ZNF19: variants seen among roughly 807,000 people sequenced by gnomAD.
The protein encoded by ZNF19 is zinc finger protein 19, also known as zinc finger protein 19 (KOX 12).
Under a neutral mutation model 13.1 loss-of-function variants are expected in ZNF19, and 11 were observed. The ratio of observed to expected loss-of-function variants is 0.84; its 90% confidence interval spans 0.53 to 1.39. The LOEUF (loss-of-function observed/expected upper bound fraction) is 1.39, where lower values mean the gene tolerates loss of function less well. ZNF19 is among the 40% of genes most tolerant of loss of function. ZNF19 has a pLI of 0.00. For synonymous variants in ZNF19, 186 were observed against 187.0 expected (o/e 0.99, Z 0.04); for missense variants, 560 against 547.0 (o/e 1.02, Z -0.24).
In ZNF19 at chr16:71,475,429, T is replaced by C; in HGVS notation, c.1118A>G (p.Lys373Arg). ...GKAFSAQEQL[K>R]RHLRIHTQES... ...CTGAGTATGAATTCTCAGATGCCTTTTTAATTGTTCCTGAGCACTGAAGGC... is the reference window on the plus strand; with the variant it reads ...CTGAGTATGAATTCTCAGATGCCTTCTTAATTGTTCCTGAGCACTGAAGGC... The change falls in exon 6 of 6, where the codon AAA becomes AGA. Residue 373 changes from lysine (K) to arginine (R), a missense_variant. Coordinates refer to ENST00000288177, the MANE Select transcript of ZNF19 (RefSeq NM_006961.4). 6.2e-7 allele frequency: 1 copy of C among 1,614,158 alleles called. No individual in the cohort carries two copies.
chr16:71,475,193 A>G lies in ZNF19; in HGVS notation c.1354T>C (p.Phe452Leu), dbSNP rs753561375. Reference protein sequence around the residue: ...LDICRFGLPEFFTPFYW With the variant: ...LDICRFGLPELFTPFYW ...TATTACCAGTAAAAGGGGGTAAAAAATTCTGGGAGGCCAAAACGACAAATG... is the reference window on the plus strand; with the variant it reads ...TATTACCAGTAAAAGGGGGTAAAAAGTTCTGGGAGGCCAAAACGACAAATG... The change falls in exon 6 of 6, where the codon TTT becomes CTT. Residue 452 changes from phenylalanine (F) to leucine (L), a missense_variant. Phe to Leu is a conservative substitution (Grantham distance 22). Transcript: ENST00000288177. The G allele has an allele frequency of 6.8e-6, 11 of 1,607,066 alleles. No homozygotes were observed. Among genetic ancestry groups the G allele is most frequent in the Non-Finnish European group, 8.5e-6 (10 of 1,176,330 alleles).
intron 1 of ZNF19, among the ~76,000 whole-genome samples, chr16:71,485,486 AAAAG>A (rs959019816): frequency 7.3e-5 from 11 of 151,632 alleles, no homozygotes; most frequent in African/African-American, 2.2e-4. Context: ...AAAAAAAACA[AAAAG>A]AAAGAAAGAC....
intron 2 of ZNF19, among the ~76,000 whole-genome samples, chr16:71,483,034 T>C (rs1483341834): frequency 2.6e-5 from 4 of 152,244 alleles, no homozygotes; most frequent in East Asian, 3.8e-4. Context: ...TTTCCAATAG[T>C]AATCCTAACA....
chr16:71,485,529 CTATT>C (rs777354510), intron 1 of ZNF19, among the ~76,000 whole-genome samples: 1 of 146,268 alleles, frequency 6.8e-6, no homozygotes, highest in African/African-American at 2.6e-5. Context: ...TATTAAGTAA[CTATT>C]TAGGAAGTGA....
rs2043590572 is a variant in ZNF19, at chr16:71,475,033, C to T, written c.*137G>A. 2 of 1,099,224 alleles carry T rather than the reference C, an allele frequency of 1.8e-6. No individual in the cohort carries two copies. Among genetic ancestry groups the T allele is most frequent in the Admixed American group, 5.8e-5 (2 of 34,192 alleles). The allele number at this position is 1,099,224 out of a possible 1,614,324, so 68.1% of individuals were successfully genotyped here. A position where few individuals can be genotyped will look rare whatever the true frequency, so the allele number is the denominator to read the frequency against. On this transcript the variant is annotated 3_prime_UTR_variant, in exon 6 of 6. Transcript: ENST00000288177. ...AATCCTGGGACTCTAATTGAACCAT[C>T]TTTGGTCATCTACTGACATCTGAAT...
rs1567569004 is a variant in ZNF19, at chr16:71,475,501, C to A, written c.1046G>T (p.Arg349Ile). ...AAAGGGTTTCTCCTCACTGTGAATTCTCTGGTGCCGAGTTAGTTTTGTATG... is the reference window on the plus strand; with the variant it reads ...AAAGGGTTTCTCCTCACTGTGAATTATCTGGTGCCGAGTTAGTTTTGTATG... ...NFHTKLTRHQ[R>I]IHSEEKPFDC... Residue 349 changes from arginine (R) to isoleucine (I), a missense_variant, in exon 6 of 6, where the codon AGA becomes ATA. Transcript: ENST00000288177. The A allele has an allele frequency of 6.2e-7, 1 of 1,614,222 alleles. No individual in the cohort carries two copies. Among genetic ancestry groups the A allele is most frequent in the Non-Finnish European group, 8.5e-7 (1 of 1,180,026 alleles).
At chr16:71,478,764 G>T in intron 4 of ZNF19, 115 bp downstream of exon 4, 1 of 1,409,628 alleles carries the variant, frequency 7.1e-7, no homozygotes, top group Non-Finnish European at 9.6e-7. Context: ...TCACTCAGTG[G>T]AGGACACAAG....
In ZNF19 at chr16:71,485,651, G is replaced by C. The variant is rs182563509; in HGVS notation, c.-189-903C>G. Among the ~76,000 whole-genome samples the C allele has an allele frequency of 1.5e-4, 23 of 151,894 alleles. No individual in the cohort carries two copies. The East Asian group carries it at 3.9e-3, about 26-fold the overall frequency. Reference sequence around the variant, plus strand: ...GATAGATGAAGGTGCCATTAGCTGAGATCAGGAATTGAAGAAGAGGAGCTG... The same window carrying C: ...GATAGATGAAGGTGCCATTAGCTGACATCAGGAATTGAAGAAGAGGAGCTG... On this transcript the variant is annotated intron_variant, in intron 1 of 5. Coordinates refer to ENST00000288177, the MANE Select transcript of ZNF19 (RefSeq NM_006961.4).
chr16:71,484,287 A>C (rs1042454786), intron 2 of ZNF19, among the ~76,000 whole-genome samples: 11 of 152,390 alleles, frequency 7.2e-5, no homozygotes, highest in Non-Finnish European at 1.3e-4. Context: ...ATAGCTGCTC[A>C]GTAAGCAGCT....
intron 2 of ZNF19, among the ~76,000 whole-genome samples, chr16:71,483,810 A>ATGT (rs2043654734): frequency 6.6e-6 from 1 of 152,254 alleles, no homozygotes; most frequent in African/African-American, 2.4e-5. Flanking sequence ...GAGAAGGGGC[A>ATGT]TGATCCTGTC....
chr16:71,475,385 C>T lies in ZNF19; in HGVS notation c.1162G>A (p.Asp388Asn), dbSNP rs767488128. The change falls in exon 6 of 6, where the codon GAT (aspartate) becomes AAT (asparagine). Residue 388 changes from aspartate to asparagine, a missense_variant. Transcript: ENST00000288177. ...IHTQESSYVC[D>N]ECGKALTSKR... ...CTAGTCAAGGCTTTTCCACACTCAT[C>T]ACATACATAGGAAGACTCCTGAGTA... 3 of 1,613,778 alleles carry T rather than the reference C, an allele frequency of 1.9e-6. No individual in the cohort carries two copies. In the East Asian group the frequency reaches 6.7e-5, roughly 36 times the overall value.
At chr16:71,483,263 T>C (rs184694544) in intron 2 of ZNF19, among the ~76,000 whole-genome samples, 1 of 152,318 alleles carries the variant, frequency 6.6e-6, no homozygotes, top group East Asian at 1.9e-4. Context: ...CTAAAACATC[T>C]GGGTTATTGT....
chr16:71,475,793 T>C lies in ZNF19; in HGVS notation c.754A>G (p.Asn252Asp). 10 of 1,613,032 alleles carry C rather than the reference T, an allele frequency of 6.2e-6. No individual in the cohort carries two copies. Among genetic ancestry groups the C allele is most frequent in the Non-Finnish European group, 8.5e-6 (10 of 1,179,212 alleles). The stretch of plus-strand genomic sequence containing the variant: ...AACTCGGAACTACTCGTGAAACTAT[T>C]CCCACACTCTGTACAGTAATAGGGT... ...DRPYYCTECG[N>D]SFTSSSEFVI... is the part of the protein sequence containing the mutation. The change falls in exon 6 of 6, where the codon AAT (asparagine) becomes GAT (aspartate). Residue 252 changes from asparagine to aspartate, a missense_variant. Asn to Asp is a conservative substitution (Grantham distance 23). Coordinates refer to ENST00000288177, the MANE Select transcript of ZNF19 (RefSeq NM_006961.4).
chr16:71,480,527 C>T (rs2043630214), intron 3 of ZNF19, among the ~76,000 whole-genome samples: 1 of 152,194 alleles, frequency 6.6e-6, no homozygotes, highest in Non-Finnish European at 1.5e-5. Flanking sequence ...ACAGTTAATA[C>T]TCAAGTCCTG....
At chr16:71,482,187 T>G in intron 2 of ZNF19, 44 bp from the exon 3 acceptor site, 1 of 1,590,348 alleles carries the variant, frequency 6.3e-7, no homozygotes, top group Non-Finnish European at 8.6e-7. Context: ...CTCAGCCCAG[T>G]AAAATGCTCT....
chr16:71,485,532 T>G (rs1259271433), intron 1 of ZNF19, among the ~76,000 whole-genome samples: 1 of 148,966 alleles, frequency 6.7e-6, no homozygotes, highest in Non-Finnish European at 1.5e-5. Context: ...TAAGTAACTA[T>G]TTAGGAAGTG....
At chr16:71,483,492 T>C (rs1292880242) in intron 2 of ZNF19, among the ~76,000 whole-genome samples, 1 of 152,158 alleles carries the variant, frequency 6.6e-6, no homozygotes, top group Non-Finnish European at 1.5e-5. Flanking sequence ...GTTTCTTCTG[T>C]ATGAACTACT....
intron 3 of ZNF19, 74 bp from the exon 4 acceptor site, chr16:71,479,079 G>T (rs1288591326): frequency 1.2e-6 from 2 of 1,609,612 alleles, no homozygotes; most frequent in African/African-American, 2.7e-5. Flanking sequence ...AGAGGGGACA[G>T]GTAGGGACTT....
intron 3 of ZNF19, among the ~76,000 whole-genome samples, chr16:71,479,663 T>C (rs777904011): frequency 6.6e-5 from 10 of 152,212 alleles, no homozygotes; most frequent in Non-Finnish European, 1.3e-4. Flanking sequence ...TAGAATTAAA[T>C]TGCTGCTGCT....
Sources: allele counts gnomAD v4.1 joint callset (sites outside exome capture counted in the v4.1 genomes callset), GRCh38; gene constraint gnomAD v4.1.1; transcripts MANE v1.5; gene names NCBI Gene and HGNC (gene_info 2026-07-23, HGNC 2026-07-21).